Variants in DCP2 observed in about 807,000 individuals in gnomAD.
DCP2 encodes the protein m7GpppN-mRNA hydrolase.
In DCP2, 30 loss-of-function variants were observed where a neutral mutation model predicts 56.1. That is an observed-to-expected ratio of 0.53 (90% confidence interval 0.40 to 0.73). The LOEUF (loss-of-function observed/expected upper bound fraction) is 0.73, where lower values mean the gene tolerates loss of function less well. Ranked by LOEUF, DCP2 falls within the 30% of genes least tolerant of loss-of-function variation. The pLI is 0.00. For synonymous variants in DCP2, 197 were observed against 163.3 expected, an observed-to-expected ratio of 1.21 and a Z score of -1.57; for missense variants, 533 against 502.7, an observed-to-expected ratio of 1.06 and a Z score of -0.58.
rs1749986338 is a variant in DCP2, at chr5:113,018,601, A to G, written c.*5117A>G. On this transcript the variant is annotated 3_prime_UTR_variant, in exon 11 of 11. Transcript: ENST00000389063. The stretch of plus-strand genomic sequence containing the variant: ...CAGTCTTTTAGTCCAGTAGAAGACA[A>G]TGGCCCTGAATATGTGTTTTCTGCT... 6.6e-6 allele frequency: 1 copy of G among 152,336 alleles called. No individual in the cohort carries two copies. Among genetic ancestry groups the G allele is most frequent in the South Asian group, 2.1e-4 (1 of 4,822 alleles). 9.4% of individuals were successfully genotyped at this position (152,336 alleles called of 1,614,324 possible). A position where few individuals can be genotyped will look rare whatever the true frequency, so the allele number is the denominator to read the frequency against.
intron 9 of DCP2, among the ~76,000 whole-genome samples, chr5:113,009,952 C>T (rs572067184): frequency 6.9e-6 from 1 of 144,936 alleles, no homozygotes; most frequent in Non-Finnish European, 1.5e-5. Flanking sequence ...GGGTCTCGCT[C>T]TGTCGTCTAG....
chr5:112,992,373 G>C (rs533643438), intron 3 of DCP2, 125 bp downstream of exon 3: 1 of 1,271,366 alleles, frequency 7.9e-7, no homozygotes, highest in Admixed American at 2.7e-5. Flanking sequence ...AGTGCTAAAA[G>C]GCCAAGCTTT....
Position 112,992,236 on chromosome 5 carries a change from G to C in DCP2, c.321G>C (p.Glu107Asp), listed in dbSNP as rs370726802. 1.8e-5 allele frequency: 29 copies of C among 1,611,072 alleles called. No homozygotes were observed. In the African/African-American group the frequency reaches 3.5e-4, roughly 19 times the overall value. The change falls in exon 3 of 11, where the codon GAG (glutamate) becomes GAC (aspartate). Residue 107 changes from glutamate (E) to aspartate (D), a missense_variant. Glu to Asp is a conservative substitution (Grantham distance 45). Around this residue, in one of 3 missense-constraint regions of DCP2, gnomAD observed 137 missense variants for 138.2 expected, o/e 0.99. Coordinates refer to ENST00000389063, the MANE Select transcript of DCP2 (RefSeq NM_152624.6). ...CATATGGTGCAATTATTCTTGATGA[G>C]ACACTTGAAAATGTGAGTGTAATGA... ...VPTYGAIILD[E>D]TLENVLLVQG...
At chr5:112,994,274 C>A (rs960131962) in intron 4 of DCP2, among the ~76,000 whole-genome samples, 3 of 148,646 alleles carry the variant, frequency 2.0e-5, no homozygotes, top group South Asian at 4.3e-4. Flanking sequence ...TGGGCTCAAG[C>A]AATCCTCCTG....
rs1484120751 is a variant in DCP2 at position 112,984,709 on chromosome 5, T to C, written c.54-1126T>C. The C allele has an allele frequency of 4.0e-5, 5 of 124,946 alleles. No homozygotes were observed. In the East Asian group the frequency reaches 1.1e-3, roughly 28 times the overall value. 7.7% of individuals were successfully genotyped at this position (124,946 alleles called of 1,614,324 possible). A position where few individuals can be genotyped will look rare whatever the true frequency, so the allele number is the denominator to read the frequency against. ...ATTAAAAAAAAAAAAAAAAAATATA[T>C]ATATATATATATATATTTGAGACAG... On this transcript the variant is annotated intron_variant, in intron 1 of 10. Transcript: ENST00000389063.
In DCP2 at chr5:113,015,798, C is replaced by T. The variant is rs928289630; in HGVS notation, c.*2314C>T. The T allele has an allele frequency of 6.6e-6, 1 of 152,628 alleles. No individual in the cohort carries two copies. Among genetic ancestry groups the T allele is most frequent in the Admixed American group, 6.5e-5 (1 of 15,284 alleles). The allele number at this position is 152,628 out of a possible 1,614,324, so 9.5% of individuals were successfully genotyped here. The stretch of plus-strand genomic sequence containing the variant: ...TTCTCTCAAACCTGGGTAATAGTTT[C>T]TCAGTGTTCAGGTTACCTTGAGAAA... On this transcript the variant is annotated 3_prime_UTR_variant, in exon 11 of 11. Transcript: ENST00000389063.
chr5:113,008,964 C>T (rs533440352), intron 9 of DCP2, among the ~76,000 whole-genome samples: 1 of 152,220 alleles, frequency 6.6e-6, no homozygotes, highest in Middle Eastern at 3.4e-3. Flanking sequence ...CTGTCTCAGC[C>T]TCCTGAGTAG....
At chr5:112,986,624 C>T (rs114326030) in intron 2 of DCP2, among the ~76,000 whole-genome samples, 1,628 of 152,076 alleles carry the variant, frequency 0.011, 19 homozygotes, top group Non-Finnish European at 0.014. Context: ...AGGTGTGAGC[C>T]GCTGTGCCCA....
intron 3 of DCP2, among the ~76,000 whole-genome samples, 177 bp downstream of exon 3, chr5:112,992,425 G>T (rs560922066): frequency 6.6e-6 from 1 of 151,854 alleles, no homozygotes; most frequent in South Asian, 2.1e-4. Flanking sequence ...TTTTTTACTT[G>T]TTGCAGTTAC....
chr5:112,998,242 A>G (rs997378011), intron 4 of DCP2, among the ~76,000 whole-genome samples: 4 of 152,128 alleles, frequency 2.6e-5, no homozygotes, highest in Non-Finnish European at 5.9e-5. Context: ...ATATTGTACT[A>G]CTTCCTCCCT....
rs1238727509 is a variant in DCP2 at position 113,019,838 on chromosome 5, TTC to T, written c.*6355_*6356del. ...TAATAAAAATTTAAAACCATCTCAT[TTC>T]AGAATAAAATAAACGGAATTACAGT... On this transcript the variant is annotated 3_prime_UTR_variant, in exon 11 of 11. Coordinates refer to ENST00000389063, the MANE Select transcript of DCP2 (RefSeq NM_152624.6). The T allele has an allele frequency of 6.6e-6, 1 of 152,218 alleles. No homozygotes were observed. The highest frequency in any genetic ancestry group is 2.4e-5 in the African/African-American group (1 of 41,464). The allele number at this position is 152,218 out of a possible 1,614,324, so 9.4% of individuals were successfully genotyped here.
intron 1 of DCP2, among the ~76,000 whole-genome samples, chr5:112,981,565 T>C (rs1007493848): frequency 7.9e-5 from 12 of 152,274 alleles, no homozygotes; most frequent in African/African-American, 2.9e-4. Context: ...AGATATGTAG[T>C]TTTTACAGTA....
Position 113,020,522 on chromosome 5 carries a change from A to G in DCP2, c.*7038A>G, listed in dbSNP as rs905476931. 2 of 152,212 alleles carry G rather than the reference A, an allele frequency of 1.3e-5. No individual in the cohort carries two copies. The highest frequency in any genetic ancestry group is 2.9e-5 in the Non-Finnish European group (2 of 68,022). The allele number at this position is 152,212 out of a possible 1,614,324, so 9.4% of individuals were successfully genotyped here. A position where few individuals can be genotyped will look rare whatever the true frequency, so the allele number is the denominator to read the frequency against. Reference sequence around the variant, plus strand: ...TTATAAGAACAGAAACATTTGGAACAGGTTTCATTCTGTTTCTAGATTTAT... The same window carrying G: ...TTATAAGAACAGAAACATTTGGAACGGGTTTCATTCTGTTTCTAGATTTAT... On this transcript the variant is annotated 3_prime_UTR_variant, in exon 11 of 11. Transcript: ENST00000389063.
rs530557907 is a variant in DCP2 at position 112,985,256 on chromosome 5, A to T, written c.54-579A>T. On this transcript the variant is annotated intron_variant, in intron 1 of 10. Coordinates refer to ENST00000389063, the MANE Select transcript of DCP2 (RefSeq NM_152624.6). ...TTAGTGTATATTAATATAAATGTAT[A>T]TTTATATGTAAAAGAAATATGTCTT... Among the ~76,000 whole-genome samples, 13 of 152,278 alleles carry T rather than the reference A, an allele frequency of 8.5e-5. No individual in the cohort carries two copies. The South Asian group carries it at 2.7e-3, about 32-fold the overall frequency.
At chr5:113,000,985 A>G (rs1330733484) in intron 4 of DCP2, 99 bp from the exon 5 acceptor site, 1 of 1,139,266 alleles carries the variant, frequency 8.8e-7, no homozygotes, top group Non-Finnish European at 1.2e-6. Context: ...AATACAAGTC[A>G]TGTCCCCTTT....
chr5:113,001,213 C>G lies in DCP2; in HGVS notation c.562C>G (p.Pro188Ala). 6.2e-7 allele frequency: 1 copy of G among 1,613,052 alleles called. No individual in the cohort carries two copies. The highest frequency in any genetic ancestry group is 8.5e-7 in the Non-Finnish European group (1 of 1,179,738). The change falls in exon 5 of 11, where the codon CCA (proline) becomes GCA (alanine). Residue 188 changes from proline (P) to alanine (A), a missense_variant. This residue lies in a region of DCP2 where 392 missense variants were observed against 346.6 expected (regional missense o/e 1.13). Transcript: ENST00000389063. ...PGIPKDTKFN[P>A]KTRREIRNIE... ...AATTCCAAAAGACACAAAATTTAAC[C>G]CAAAAACTAGAAGAGAAATTCGGGT... is the stretch of plus-strand genomic sequence containing the variant.
intron 4 of DCP2, among the ~76,000 whole-genome samples, chr5:112,997,815 A>G (rs567756463): frequency 4.6e-5 from 7 of 152,144 alleles, no homozygotes; most frequent in Admixed American, 1.3e-4. Flanking sequence ...GGGTTTCACT[A>G]TGTTGGCCAG....
At position 113,018,410 on chromosome 5, in the gene DCP2, A is replaced by G. The variant is rs1303071003; in HGVS notation, c.*4926A>G. 1 of 152,246 alleles carries G rather than the reference A, an allele frequency of 6.6e-6. No individual in the cohort carries two copies. The highest frequency in any genetic ancestry group is 1.5e-5 in the Non-Finnish European group (1 of 68,032). The allele number at this position is 152,246 out of a possible 1,614,324, so 9.4% of individuals were successfully genotyped here. On this transcript the variant is annotated 3_prime_UTR_variant, in exon 11 of 11. Coordinates refer to ENST00000389063, the MANE Select transcript of DCP2 (RefSeq NM_152624.6). ...TGTGGTTAGCAGAGGAGTATGGTCT[A>G]GCTATGTTAGCAGCTTGAAGGCACA...
intron 2 of DCP2, among the ~76,000 whole-genome samples, chr5:112,987,096 T>A (rs1047788123): frequency 1.6e-4 from 24 of 152,206 alleles, no homozygotes; most frequent in Non-Finnish European, 2.9e-4. Flanking sequence ...TTATAAAAGA[T>A]TCACATGAAT....
Sources: allele counts gnomAD v4.1 joint callset (sites outside exome capture counted in the v4.1 genomes callset), GRCh38; gene constraint gnomAD v4.1.1; regional missense constraint gnomAD v4.1.1; transcripts MANE v1.5; gene names NCBI Gene and HGNC (gene_info 2026-07-23, HGNC 2026-07-21).